GLRA1: variants seen among roughly 807,000 people sequenced by gnomAD.
GLRA1 encodes the protein glycine receptor alpha 1, also known as glycine receptor subunit alpha-1.
GLRA1 carries 37 observed loss-of-function variants against 48.3 expected under a neutral mutation model. The observed-to-expected ratio is 0.77, with a 90% CI of 0.59 to 1.01. The LOEUF (loss-of-function observed/expected upper bound fraction) is 1.01. Among genes scored for constraint, GLRA1 ranks in the 50% least tolerant of loss-of-function variants. The probability of loss-of-function intolerance (pLI) is 0.00; values close to 1 mark genes in which losing one functional copy is unlikely to be tolerated. For synonymous variants in GLRA1, 196 were observed against 210.7 expected (o/e 0.93, Z 0.60); for missense variants, 427 against 571.0 (o/e 0.75, Z 2.57).
intron 1 of GLRA1, among the ~76,000 whole-genome samples, chr5:151,907,772 C>T (rs529708737): frequency 6.6e-6 from 1 of 152,318 alleles, no homozygotes; most frequent in Admixed American, 6.5e-5. Context: ...ATTGCAGCCC[C>T]TGGGCAATTA....
chr5:151,827,593 T>C (rs191084354), intron 8 of GLRA1, among the ~76,000 whole-genome samples: 102 of 152,330 alleles, frequency 6.7e-4, no homozygotes, highest in Middle Eastern at 3.4e-3. Context: ...CAAAGTCTCA[T>C]ACTAAAGAAA....
At chr5:151,909,737 A>G (rs1393999266) in intron 1 of GLRA1, among the ~76,000 whole-genome samples, 1 of 152,204 alleles carries the variant, frequency 6.6e-6, no homozygotes, top group Non-Finnish European at 1.5e-5. Context: ...ATTTGATTTT[A>G]GGGAAAGTTG....
At chr5:151,908,370 T>C (rs1020002871) in intron 1 of GLRA1, among the ~76,000 whole-genome samples, 1 of 152,240 alleles carries the variant, frequency 6.6e-6, no homozygotes, top group African/African-American at 2.4e-5. Context: ...TCATCATTCC[T>C]CCTTAACCTT....
At chr5:151,827,844 T>C (rs1763316533) in intron 8 of GLRA1, among the ~76,000 whole-genome samples, 1 of 152,192 alleles carries the variant, frequency 6.6e-6, no homozygotes, top group African/African-American at 2.4e-5. Flanking sequence ...TCAGACTCTC[T>C]GTCTGAAGGC....
chr5:151,877,538 A>T (rs2347599), intron 3 of GLRA1, among the ~76,000 whole-genome samples: 5,222 of 152,218 alleles, frequency 0.034, 128 homozygotes, highest in South Asian at 0.075. Context: ...ACAACAAAAA[A>T]CTCCAAAACC....
chr5:151,890,342 A>G (rs1049675976), intron 2 of GLRA1, among the ~76,000 whole-genome samples: 1 of 152,204 alleles, frequency 6.6e-6, no homozygotes, highest in Admixed American at 6.5e-5. Flanking sequence ...ATGCACCCAC[A>G]TTCAACAAAC....
At position 151,898,997 on chromosome 5, in the gene GLRA1, C is replaced by T. The variant is rs536569920; in HGVS notation, c.57-6559G>A. On this transcript the variant is annotated intron_variant, in intron 1 of 8. Transcript: ENST00000274576. ...TGTGTAGTTTAGAAGTGATAGACAA[C>T]TTGGAGAACCAAAAGAAGAGTTTAG... 2.1e-3 allele frequency among the ~76,000 whole-genome samples: 312 copies of T among 152,124 alleles called. 1 individual carries two copies. The highest frequency in any genetic ancestry group is 3.8e-3 in the Non-Finnish European group (261 of 68,000).
chr5:151,827,924 C>G (rs147041539), intron 8 of GLRA1, among the ~76,000 whole-genome samples: 71 of 152,188 alleles, frequency 4.7e-4, no homozygotes, highest in Middle Eastern at 3.4e-3. Flanking sequence ...TTGTTTATCC[C>G]TTTGTTCATT....
chr5:151,852,431 T>C (rs1051857888), intron 6 of GLRA1, among the ~76,000 whole-genome samples: 1 of 152,132 alleles, frequency 6.6e-6, no homozygotes, highest in African/African-American at 2.4e-5. Flanking sequence ...ATACAGTGAG[T>C]GAATGGGCAA....
At chr5:151,862,286 T>G (rs1753227883) in intron 3 of GLRA1, among the ~76,000 whole-genome samples, 1 of 152,174 alleles carries the variant, frequency 6.6e-6, no homozygotes, top group Admixed American at 6.6e-5. Context: ...TAATTCAAGA[T>G]GGATTAAAGA....
intron 1 of GLRA1, 41 bp downstream of exon 1, chr5:151,924,453 C>A (rs377246222): frequency 4.0e-6 from 5 of 1,237,194 alleles, no homozygotes; most frequent in Non-Finnish European, 6.0e-6. Flanking sequence ...TCTTTCCCCC[C>A]ATTTCCATCA....
rs182195102 is a variant in GLRA1, at chr5:151,831,567, A to G, written c.913-2500T>C. ...AACTGGGTGGAGCACACCACAGCTCAGCAAAGCCTCTGTAGCCAGGCTGTG... is the reference window on the plus strand; with the variant it reads ...AACTGGGTGGAGCACACCACAGCTCGGCAAAGCCTCTGTAGCCAGGCTGTG... On this transcript the variant is annotated intron_variant, in intron 7 of 8. Coordinates refer to ENST00000274576, the MANE Select transcript of GLRA1 (RefSeq NM_000171.4). Among the ~76,000 whole-genome samples the G allele has an allele frequency of 1.7e-4, 25 of 151,408 alleles. No homozygotes were observed. In the East Asian group the frequency reaches 4.6e-3, roughly 28 times the overall value.
At chr5:151,921,207 A>G (rs1754864678) in intron 1 of GLRA1, among the ~76,000 whole-genome samples, 1 of 152,222 alleles carries the variant, frequency 6.6e-6, no homozygotes. Flanking sequence ...TCCCTTCTCA[A>G]GCACATGCTA....
intron 3 of GLRA1, among the ~76,000 whole-genome samples, chr5:151,862,791 A>G (rs1427422236): frequency 6.6e-6 from 1 of 152,206 alleles, no homozygotes; most frequent in Non-Finnish European, 1.5e-5. Flanking sequence ...AGTATCTTCT[A>G]TAGAATATAG....
intron 3 of GLRA1, among the ~76,000 whole-genome samples, chr5:151,863,154 G>C (rs758150989): frequency 7.2e-5 from 11 of 152,210 alleles, no homozygotes; most frequent in Non-Finnish European, 1.2e-4. Flanking sequence ...TGTAATCCCA[G>C]CATGTTGGGA....
intron 3 of GLRA1, among the ~76,000 whole-genome samples, chr5:151,872,626 A>C (rs1485754509): frequency 6.7e-6 from 1 of 150,002 alleles, no homozygotes; most frequent in Non-Finnish European, 1.5e-5. Context: ...TAAAGCTGAA[A>C]AAACCTAAAA....
chr5:151,849,249 C>T (rs1276274413), intron 7 of GLRA1, among the ~76,000 whole-genome samples: 1,204 of 75,690 alleles, frequency 0.016, 85 homozygotes, highest in African/African-American at 0.075. Context: ...TTCCTTCCTT[C>T]CCTTCTTTCT....
At chr5:151,915,332 A>G (rs1180772780) in intron 1 of GLRA1, among the ~76,000 whole-genome samples, 2 of 152,226 alleles carry the variant, frequency 1.3e-5, no homozygotes, top group African/African-American at 2.4e-5. Flanking sequence ...GCAGTTATCT[A>G]TCAACATATA....
intron 1 of GLRA1, among the ~76,000 whole-genome samples, chr5:151,919,120 C>T (rs1239949531): frequency 6.6e-6 from 1 of 152,160 alleles, no homozygotes; most frequent in Non-Finnish European, 1.5e-5. Flanking sequence ...CATATCTTTA[C>T]TTTTGTTTTT....
Sources: allele counts gnomAD v4.1 joint callset (sites outside exome capture counted in the v4.1 genomes callset), GRCh38; gene constraint gnomAD v4.1.1; transcripts MANE v1.5; gene names NCBI Gene and HGNC (gene_info 2026-07-23, HGNC 2026-07-21).